Variants in GPC6 observed in about 807,000 individuals in gnomAD.
The protein encoded by GPC6 is glypican-6.
GPC6 carries 14 observed loss-of-function variants against 55.2 expected under a neutral mutation model. That is an observed-to-expected ratio of 0.25 (90% confidence interval 0.17 to 0.40). GPC6 has a LOEUF of 0.40. GPC6 is among the 10% of genes least tolerant of loss of function. The pLI is 1.00. For missense variants in GPC6, 641 were observed against 708.5 expected (o/e 0.90, Z 1.08); for synonymous variants, 278 against 259.6 (o/e 1.07, Z -0.68).
intron 3 of GPC6, among the ~76,000 whole-genome samples, chr13:93,873,759 C>T (rs1351425958): frequency 1.3e-5 from 2 of 151,978 alleles, no homozygotes; most frequent in African/African-American, 4.8e-5. Flanking sequence ...CAGATTTCAA[C>T]CCTTCATGAA....
At chr13:93,966,724 C>T (rs772594187) in intron 3 of GPC6, among the ~76,000 whole-genome samples, 1 of 137,946 alleles carries the variant, frequency 7.2e-6, no homozygotes. Context: ...GATCATGGCT[C>T]ATTGCAGCCT....
At chr13:93,928,059 C>T (rs1423192168) in intron 3 of GPC6, among the ~76,000 whole-genome samples, 3 of 152,060 alleles carry the variant, frequency 2.0e-5, no homozygotes, top group East Asian at 1.9e-4. Context: ...ATTTCCTGCA[C>T]ACTCTTATAC....
At chr13:93,663,152 G>A (rs948569564) in intron 2 of GPC6, among the ~76,000 whole-genome samples, 5 of 149,460 alleles carry the variant, frequency 3.3e-5, no homozygotes, top group Non-Finnish European at 4.4e-5. Flanking sequence ...TGACAGTACA[G>A]AACAGAAAGC....
At chr13:93,394,203 T>C (rs1875758661) in intron 1 of GPC6, among the ~76,000 whole-genome samples, 1 of 152,236 alleles carries the variant, frequency 6.6e-6, no homozygotes, top group Non-Finnish European at 1.5e-5. Context: ...TCTAATAGCA[T>C]TTTATGCTTG....
intron 3 of GPC6, among the ~76,000 whole-genome samples, chr13:93,966,375 A>G (rs903890947): frequency 6.6e-6 from 1 of 152,196 alleles, no homozygotes; most frequent in Non-Finnish European, 1.5e-5. Context: ...GTGTGAATGT[A>G]TATTTCCTTT....
chr13:93,985,009 CTGA>C (rs1274786415), intron 3 of GPC6, among the ~76,000 whole-genome samples: 3 of 152,124 alleles, frequency 2.0e-5, no homozygotes, highest in Non-Finnish European at 4.4e-5. Flanking sequence ...CAGCATGGGG[CTGA>C]TGTGGTAGCT....
intron 4 of GPC6, among the ~76,000 whole-genome samples, chr13:94,042,490 C>CA (rs965882242): frequency 2.0e-4 from 30 of 151,818 alleles, no homozygotes; most frequent in Admixed American, 1.8e-3. Context: ...TCCAGGATTC[C>CA]ATGTGCCTGT....
At chr13:93,667,131 A>G (rs1298878589) in intron 2 of GPC6, among the ~76,000 whole-genome samples, 2 of 152,220 alleles carry the variant, frequency 1.3e-5, no homozygotes, top group African/African-American at 4.8e-5. Context: ...TGGTCAAAAT[A>G]CAGATCTATT....
At chr13:93,571,954 A>T (rs1876427288) in intron 2 of GPC6, among the ~76,000 whole-genome samples, 1 of 152,000 alleles carries the variant, frequency 6.6e-6, no homozygotes, top group African/African-American at 2.4e-5. Context: ...AAAAGACATG[A>T]TCTAGTTTTA....
chr13:93,554,044 A>T (rs1225002775), intron 2 of GPC6, among the ~76,000 whole-genome samples: 1 of 151,308 alleles, frequency 6.6e-6, no homozygotes, highest in Non-Finnish European at 1.5e-5. Context: ...GCTACTCAGG[A>T]GGCTGAGGCA....
At chr13:93,645,376 G>T (rs1405765927) in intron 2 of GPC6, among the ~76,000 whole-genome samples, 1 of 152,024 alleles carries the variant, frequency 6.6e-6, no homozygotes, top group Admixed American at 6.6e-5. Context: ...AGGTTACATA[G>T]TTGGTTGTAT....
chr13:93,799,713 T>G (rs1312417291), intron 2 of GPC6, among the ~76,000 whole-genome samples: 9 of 152,184 alleles, frequency 5.9e-5, no homozygotes, highest in Non-Finnish European at 1.0e-4. Flanking sequence ...ATTAAGTGTT[T>G]ATGAGTATTA....
chr13:93,714,767 A>G (rs921772944), intron 2 of GPC6, among the ~76,000 whole-genome samples: 5 of 151,636 alleles, frequency 3.3e-5, no homozygotes, highest in African/African-American at 1.2e-4. Flanking sequence ...CTCAGAGAGA[A>G]GACATGCTGG....
At chr13:94,222,497 C>G (rs1398770263) in intron 4 of GPC6, among the ~76,000 whole-genome samples, 1 of 151,998 alleles carries the variant, frequency 6.6e-6, no homozygotes, top group African/African-American at 2.4e-5. Context: ...TTTCTGACAG[C>G]TCTAGTGGGG....
At chr13:93,860,107 C>T (rs2139024974) in intron 3 of GPC6, among the ~76,000 whole-genome samples, 1 of 151,816 alleles carries the variant, frequency 6.6e-6, no homozygotes. Flanking sequence ...ATTCTTTAGA[C>T]ACTAGTACCA....
intron 4 of GPC6, among the ~76,000 whole-genome samples, chr13:94,039,040 A>G (rs1883437058): frequency 6.6e-6 from 1 of 151,952 alleles, no homozygotes; most frequent in African/African-American, 2.4e-5. Flanking sequence ...GCTCAAATGA[A>G]TAAGTGCTTG....
intron 1 of GPC6, among the ~76,000 whole-genome samples, chr13:93,537,230 A>C (rs1882097681): frequency 1.3e-5 from 2 of 152,202 alleles, no homozygotes; most frequent in Admixed American, 1.3e-4. Context: ...ACTGTTAATT[A>C]CTTGATCTTG....
intron 1 of GPC6, among the ~76,000 whole-genome samples, chr13:93,402,757 T>C (rs1403092964): frequency 1.3e-5 from 2 of 152,042 alleles, no homozygotes; most frequent in Non-Finnish European, 2.9e-5. Context: ...TTTTTGGAGG[T>C]CAGTGCTTCA....
chr13:93,466,346 AATT>A, intron 1 of GPC6, among the ~76,000 whole-genome samples: 1 of 152,286 alleles, frequency 6.6e-6, no homozygotes, highest in African/African-American at 2.4e-5. Context: ...CGTGATGTAT[AATT>A]ATTTTCTGAA....
Sources: gnomAD v4.1 joint callset for allele counts (sites outside exome capture counted in the v4.1 genomes callset) on GRCh38, gnomAD v4.1.1 for gene constraint, MANE v1.5 for transcripts, NCBI Gene and HGNC (gene_info 2026-07-23, HGNC 2026-07-21) for gene names.